FMO2: variants seen among roughly 807,000 people sequenced by gnomAD.
The protein encoded by FMO2 is flavin-containing monooxygenase 2.
In FMO2, 33 loss-of-function variants were observed where a neutral mutation model predicts 41.6. That is an observed-to-expected ratio of 0.79 (90% CI 0.60 to 1.06). The LOEUF (loss-of-function observed/expected upper bound fraction) is 1.06, where lower values mean the gene tolerates loss of function less well. Among genes scored for constraint, FMO2 ranks in the 50% least tolerant of loss-of-function variants. FMO2 has a pLI of 0.00. For synonymous variants in FMO2, 214 were observed against 219.6 expected (o/e 0.97, Z 0.23); for missense variants, 619 against 632.9 (o/e 0.98, Z 0.23).
At chr1:171,207,980 T>C (rs2075989) in intron 8 of FMO2, among the ~76,000 whole-genome samples, 190 bp downstream of exon 8, 17,622 of 152,222 alleles carry the variant, frequency 0.12, 1,241 homozygotes, top group South Asian at 0.15. Context: ...GCGATTCTTA[T>C]ACATACTAGG....
rs1658919406 is a variant in FMO2 at position 171,210,061 on chromosome 1, A to C, written c.*916A>C. The C allele has an allele frequency of 6.6e-6, 1 of 152,194 alleles. No individual in the cohort carries two copies. The highest frequency in any genetic ancestry group is 2.4e-5 in the African/African-American group (1 of 41,466). 9.4% of individuals were successfully genotyped at this position (152,194 alleles called of 1,614,324 possible). A position where few individuals can be genotyped will look rare whatever the true frequency, so the allele number is the denominator to read the frequency against. ...TTTACAAAACACTTCATTATTTATA[A>C]AGAATTTACTAACAGTTTATCTTAT... is the stretch of plus-strand genomic sequence containing the variant. On this transcript the variant is annotated 3_prime_UTR_variant, in exon 9 of 9. Transcript: ENST00000209929.
At chr1:171,196,386 C>CA (rs1198524628) in intron 3 of FMO2, among the ~76,000 whole-genome samples, 1 of 152,306 alleles carries the variant, frequency 6.6e-6, no homozygotes, top group East Asian at 1.9e-4. Context: ...AGGCACACAT[C>CA]ATGAGAACCC....
At chr1:171,195,191 G>A (rs1349154033) in intron 3 of FMO2, among the ~76,000 whole-genome samples, 2 of 152,172 alleles carry the variant, frequency 1.3e-5, no homozygotes, top group Non-Finnish European at 2.9e-5. Context: ...CTGTTTATTG[G>A]TCTCTGAGTT....
rs780663694 is a variant in FMO2 at position 171,199,493 on chromosome 1, G to A, written c.627+5G>A. On this transcript the variant is annotated splice_donor_5th_base_variant and intron_variant, in intron 5 of 8. Coordinates refer to ENST00000209929, the MANE Select transcript of FMO2 (RefSeq NM_001460.5). Reference sequence around the variant, plus strand: ...CTGAGTAAGAATGCTGCTCAGGTGTGATGCTCTCTGCTTACCATGTACCTG... The same window carrying A: ...CTGAGTAAGAATGCTGCTCAGGTGTAATGCTCTCTGCTTACCATGTACCTG... 4.4e-6 allele frequency: 7 copies of A among 1,601,520 alleles called. No individual in the cohort carries two copies. The East Asian group carries it at 1.1e-4, about 26-fold the overall frequency.
Position 171,205,298 on chromosome 1 carries a change from G to C in FMO2, c.847G>C (p.Val283Leu). The change falls in exon 7 of 9, where the codon GTA becomes CTA. Residue 283 changes from valine to leucine, a missense_variant. By Grantham distance (32) the Val-to-Leu change is conservative. Transcript: ENST00000209929. ...PQNKYIMKEP[V>L]LNDDVPSRLL... The stretch of plus-strand genomic sequence containing the variant: ...TCTCAGATACATTATGAAGGAACCT[G>C]TACTAAATGATGATGTCCCAAGTCG... 2 of 1,609,878 alleles carry C rather than the reference G, an allele frequency of 1.2e-6. No homozygotes were observed. Among genetic ancestry groups the C allele is most frequent in the Non-Finnish European group, 1.7e-6 (2 of 1,176,706 alleles).
rs1160080342 is a variant in FMO2 at position 171,209,471 on chromosome 1, A to T, written c.*326A>T. The T allele has an allele frequency of 9.7e-6, 2 of 205,896 alleles. No individual in the cohort carries two copies. The highest frequency in any genetic ancestry group is 9.6e-6 in the Non-Finnish European group (1 of 104,672). 12.8% of individuals were successfully genotyped at this position (205,896 alleles called of 1,614,324 possible). A position where few individuals can be genotyped will look rare whatever the true frequency, so the allele number is the denominator to read the frequency against. On this transcript the variant is annotated 3_prime_UTR_variant, in exon 9 of 9. Transcript: ENST00000209929. ...TGGAAAAATAGTAGAATTACACAGCATGAAAAGCAGCCCATGGTTTAAATT... is the reference window on the plus strand; with the variant it reads ...TGGAAAAATAGTAGAATTACACAGCTTGAAAAGCAGCCCATGGTTTAAATT...
chr1:171,203,183 A>G (rs540625489), intron 5 of FMO2, among the ~76,000 whole-genome samples: 1 of 152,188 alleles, frequency 6.6e-6, no homozygotes, highest in East Asian at 1.9e-4. Flanking sequence ...TCTACAAAAA[A>G]ATTGTTTGAA....
At position 171,203,895 on chromosome 1, in the gene FMO2, G is replaced by C. The variant is rs1273565572; in HGVS notation, c.658G>C (p.Val220Leu). ...VFISTRHGTW[V>L]MSRISEDGYP... The stretch of plus-strand genomic sequence containing the variant: ...TATCAGCACCAGGCATGGCACCTGG[G>C]TCATGAGCCGTATCTCTGAAGATGG... The change falls in exon 6 of 9, where the codon GTC becomes CTC. Residue 220 changes from valine (V) to leucine (L), a missense_variant. By Grantham distance (32) the Val-to-Leu change is conservative (BLOSUM62 1). Transcript: ENST00000209929. 6.2e-7 allele frequency: 1 copy of C among 1,613,502 alleles called. No individual in the cohort carries two copies. Among genetic ancestry groups the C allele is most frequent in the Non-Finnish European group, 8.5e-7 (1 of 1,179,654 alleles).
chr1:171,189,130 A>C (rs1181568076), intron 2 of FMO2, among the ~76,000 whole-genome samples: 2 of 152,236 alleles, frequency 1.3e-5, no homozygotes, highest in Non-Finnish European at 2.9e-5. Context: ...AGAGGAAAAC[A>C]TGATCTTCTT....
intron 5 of FMO2, among the ~76,000 whole-genome samples, chr1:171,201,450 T>C (rs1658532154): frequency 6.6e-6 from 1 of 152,162 alleles, no homozygotes; most frequent in Admixed American, 6.5e-5. Context: ...AAGCCTTCTG[T>C]GAAAAGACTA....
At chr1:171,201,803 C>T (rs776243530) in intron 5 of FMO2, among the ~76,000 whole-genome samples, 2 of 149,446 alleles carry the variant, frequency 1.3e-5, no homozygotes, top group Non-Finnish European at 3.0e-5. Context: ...CACCTCTTTA[C>T]GAGGCTGCAG....
chr1:171,202,332 G>A (rs141363710), intron 5 of FMO2, among the ~76,000 whole-genome samples: 3 of 152,254 alleles, frequency 2.0e-5, no homozygotes, highest in African/African-American at 7.2e-5. Context: ...TAAGGGCAAC[G>A]GCAGGAGAAA....
intron 2 of FMO2, among the ~76,000 whole-genome samples, chr1:171,191,004 G>A (rs1658061909): frequency 1.3e-5 from 2 of 152,068 alleles, no homozygotes; most frequent in South Asian, 4.2e-4. Context: ...AATTAGCTGG[G>A]CATGGTGGCG....
chr1:171,205,650 G>A lies in FMO2; in HGVS notation c.1183+16G>A, dbSNP rs760521496. On this transcript the variant is annotated intron_variant, in intron 7 of 8. Coordinates refer to ENST00000209929, the MANE Select transcript of FMO2 (RefSeq NM_001460.5). ...GTTTTCAAAGGTAAGTGTGTAGGCA[G>A]GTGAGTGGCTAAGCGTTTCAGATCT... The A allele has an allele frequency of 7.9e-6, 12 of 1,511,566 alleles. No homozygotes were observed. The highest frequency in any genetic ancestry group is 9.9e-6 in the Non-Finnish European group (11 of 1,107,154). 93.6% of individuals were successfully genotyped at this position (1,511,566 alleles called of 1,614,324 possible). A position where few individuals can be genotyped will look rare whatever the true frequency, so the allele number is the denominator to read the frequency against.
chr1:171,189,213 T>A (rs970038111), intron 2 of FMO2, among the ~76,000 whole-genome samples: 1 of 65,674 alleles, frequency 1.5e-5, no homozygotes, highest in Admixed American at 1.9e-4. Context: ...ACCATGTACA[T>A]TTTTTTTCCT....
At chr1:171,202,137 AG>A (rs1014338937) in intron 5 of FMO2, among the ~76,000 whole-genome samples, 4 of 152,202 alleles carry the variant, frequency 2.6e-5, no homozygotes, top group African/African-American at 9.6e-5. Flanking sequence ...TCATTAAGGC[AG>A]GTTAGACCAC....
At chr1:171,200,310 G>A (rs1047109636) in intron 5 of FMO2, among the ~76,000 whole-genome samples, 5 of 152,172 alleles carry the variant, frequency 3.3e-5, no homozygotes, top group Non-Finnish European at 7.3e-5. Flanking sequence ...TGATGCTGCT[G>A]ATAGTGGTGG....
In FMO2 at chr1:171,208,959, C is replaced by T; in HGVS notation, c.1422C>T (p.Arg474=). 1 of 1,612,156 alleles carries T rather than the reference C, an allele frequency of 6.2e-7. No individual in the cohort carries two copies. Among genetic ancestry groups the T allele is most frequent in the East Asian group, 2.2e-5 (1 of 44,774 alleles). The change falls in exon 9 of 9, where the codon CGC becomes CGT. Residue 474 remains arginine (R), a synonymous_variant. Coordinates refer to ENST00000209929, the MANE Select transcript of FMO2 (RefSeq NM_001460.5). ...YFGPCNSYQY[R]LVGPGQWEGA... Reference sequence around the variant, plus strand: ...GACCCTGCAACTCCTATCAGTATCGCCTGGTTGGGCCTGGGCAATGGGAAG... The same window carrying T: ...GACCCTGCAACTCCTATCAGTATCGTCTGGTTGGGCCTGGGCAATGGGAAG...
chr1:171,186,578 C>A (rs763477247), intron 2 of FMO2, among the ~76,000 whole-genome samples: 1 of 152,100 alleles, frequency 6.6e-6, no homozygotes, highest in African/African-American at 2.4e-5. Flanking sequence ...CTCATTAGAA[C>A]GCACTCACTA....
Sources: gnomAD v4.1 joint callset for allele counts (sites outside exome capture counted in the v4.1 genomes callset) on GRCh38, gnomAD v4.1.1 for gene constraint, MANE v1.5 for transcripts, NCBI Gene and HGNC (gene_info 2026-07-23, HGNC 2026-07-21) for gene names.